The following SORCS1 variants were observed in gnomAD, a reference collection of about 807,000 sequenced individuals.
SORCS1 encodes the protein sortilin related VPS10 domain containing receptor 1.
In SORCS1, 60 loss-of-function variants were observed where a neutral mutation model predicts 146.1. That is an observed-to-expected ratio of 0.41 (90% CI 0.33 to 0.51). The LOEUF is 0.51. Ranked by LOEUF, SORCS1 falls within the 20% of genes least tolerant of loss-of-function variation. The pLI, the probability that SORCS1 is intolerant of heterozygous loss-of-function variation, is 0.21. For synonymous variants in SORCS1, 637 were observed against 584.0 expected (o/e 1.09, Z -1.31); for missense variants, 1,352 against 1,487.6 (o/e 0.91, Z 1.50).
At chr10:106,601,247 A>C (rs1476360657) in intron 23 of SORCS1, among the ~76,000 whole-genome samples, 4 of 152,222 alleles carry the variant, frequency 2.6e-5, no homozygotes, top group African/African-American at 7.2e-5. Flanking sequence ...AATTGAATTT[A>C]TTTCTTTTTC....
chr10:106,809,133 C>G (rs879569784), intron 3 of SORCS1, among the ~76,000 whole-genome samples: 9 of 151,624 alleles, frequency 5.9e-5, no homozygotes, highest in Admixed American at 5.9e-4. Context: ...TTTCGTTCTT[C>G]TTCTTTTTGT....
At chr10:106,621,556 A>G (rs1847746934) in intron 19 of SORCS1, among the ~76,000 whole-genome samples, 2 of 151,704 alleles carry the variant, frequency 1.3e-5, no homozygotes, top group African/African-American at 4.8e-5. Context: ...TATCAAATGC[A>G]TGTGAAGGGC....
intron 2 of SORCS1, among the ~76,000 whole-genome samples, chr10:106,900,463 A>G (rs1202866945): frequency 6.6e-6 from 1 of 152,202 alleles, no homozygotes; most frequent in Non-Finnish European, 1.5e-5. Context: ...CAGACAGCAC[A>G]TGCAGGTGAA....
At chr10:106,583,606 C>A (rs1235471852) in intron 24 of SORCS1, among the ~76,000 whole-genome samples, 3 of 152,076 alleles carry the variant, frequency 2.0e-5, no homozygotes, top group Non-Finnish European at 4.4e-5. Flanking sequence ...TGTGTTCAAT[C>A]AATTCTCTTG....
chr10:106,942,279 G>C (rs185867571), intron 2 of SORCS1, among the ~76,000 whole-genome samples: 1 of 152,208 alleles, frequency 6.6e-6, no homozygotes, highest in African/African-American at 2.4e-5. Flanking sequence ...CTGTTTCACT[G>C]TTTGTCCTCC....
chr10:106,719,418 C>CTTT (rs11299932), intron 6 of SORCS1, among the ~76,000 whole-genome samples: 3 of 135,972 alleles, frequency 2.2e-5, no homozygotes, highest in African/African-American at 2.9e-5. Flanking sequence ...TTCTTTCTTT[C>CTTT]TTTTTTTTTT....
At chr10:106,767,988 C>T (rs540869455) in intron 4 of SORCS1, among the ~76,000 whole-genome samples, 47 of 150,948 alleles carry the variant, frequency 3.1e-4, no homozygotes, top group African/African-American at 1.1e-3. Flanking sequence ...ATTTTTTTTT[C>T]CCGAAATCAT....
chr10:106,701,868 AGT>A (rs1209103580), intron 8 of SORCS1, among the ~76,000 whole-genome samples: 2 of 152,248 alleles, frequency 1.3e-5, no homozygotes, highest in Admixed American at 1.3e-4. Flanking sequence ...TCAGTTAATC[AGT>A]GTTAAGCACT....
intron 1 of SORCS1, among the ~76,000 whole-genome samples, chr10:107,103,916 T>C (rs2134401432): frequency 6.6e-6 from 1 of 152,272 alleles, no homozygotes; most frequent in Non-Finnish European, 1.5e-5. Flanking sequence ...AGACCATCAT[T>C]TCACTGTGAG....
At chr10:106,774,177 T>A (rs1489919733) in intron 4 of SORCS1, among the ~76,000 whole-genome samples, 1 of 152,212 alleles carries the variant, frequency 6.6e-6, no homozygotes, top group Non-Finnish European at 1.5e-5. Flanking sequence ...AAAGGGTACC[T>A]TTTGGTTCTT....
At chr10:106,984,394 AT>A (rs34494927) in intron 1 of SORCS1, among the ~76,000 whole-genome samples, 1,672 of 133,994 alleles carry the variant, frequency 0.012, 20 homozygotes, top group African/African-American at 0.036. Flanking sequence ...AGTGATTTCC[AT>A]TTTTTTTTTT....
At chr10:107,106,126 G>A (rs1965284890) in intron 1 of SORCS1, among the ~76,000 whole-genome samples, 1 of 152,194 alleles carries the variant, frequency 6.6e-6, no homozygotes. Context: ...AAGTTTGGAT[G>A]AGGATCTCCT....
intron 5 of SORCS1, among the ~76,000 whole-genome samples, chr10:106,742,315 G>A (rs192856029): frequency 5.3e-5 from 8 of 152,278 alleles, no homozygotes; most frequent in South Asian, 2.1e-4. Context: ...GGGATGGAAC[G>A]CAAGTCTAAA....
At chr10:106,758,800 C>G (rs977942511) in intron 5 of SORCS1, among the ~76,000 whole-genome samples, 1 of 152,120 alleles carries the variant, frequency 6.6e-6, no homozygotes. Context: ...GAGTTGAGAT[C>G]CTGGAGAAAG....
chr10:106,574,640 T>C lies in SORCS1; in HGVS notation c.*2780A>G, dbSNP rs1480020809. On this transcript the variant is annotated 3_prime_UTR_variant, in exon 26 of 26. Transcript: ENST00000263054. The stretch of plus-strand genomic sequence containing the variant: ...TCATCCCCTAGAGTTTCTAATTCAG[T>C]AGGTATGGGGTATGGATCCAGAATC... 1 of 152,136 alleles carries C rather than the reference T, an allele frequency of 6.6e-6. No individual in the cohort carries two copies. Among genetic ancestry groups the C allele is most frequent in the Non-Finnish European group, 1.5e-5 (1 of 68,006 alleles). The allele number at this position is 152,136 out of a possible 1,614,324, so 9.4% of individuals were successfully genotyped here. A position where few individuals can be genotyped will look rare whatever the true frequency, so the allele number is the denominator to read the frequency against.
chr10:106,613,376 G>A (rs1434974493), intron 21 of SORCS1, among the ~76,000 whole-genome samples: 3 of 152,142 alleles, frequency 2.0e-5, no homozygotes, highest in Non-Finnish European at 2.9e-5. Flanking sequence ...GAAAGAGTGG[G>A]TGACTACTCT....
chr10:107,049,872 G>A (rs1015298195), intron 1 of SORCS1, among the ~76,000 whole-genome samples: 4 of 152,096 alleles, frequency 2.6e-5, no homozygotes, highest in East Asian at 1.9e-4. Flanking sequence ...ATATATGTAC[G>A]ATGCTACCAA....
At chr10:107,140,622 T>C (rs1967731101) in intron 1 of SORCS1, among the ~76,000 whole-genome samples, 1 of 152,240 alleles carries the variant, frequency 6.6e-6, no homozygotes, top group Non-Finnish European at 1.5e-5. Context: ...CCAACCATTG[T>C]GATAAAATAG....
intron 1 of SORCS1, among the ~76,000 whole-genome samples, chr10:107,124,999 C>T (rs1266453337): frequency 1.4e-5 from 2 of 138,290 alleles, no homozygotes; most frequent in East Asian, 4.2e-4. Context: ...TGTTGCCAGG[C>T]TGGAGTGCAG....
Sources: allele counts gnomAD v4.1 joint callset (sites outside exome capture counted in the v4.1 genomes callset), GRCh38; gene constraint gnomAD v4.1.1; transcripts MANE v1.5; gene names NCBI Gene and HGNC (gene_info 2026-07-23, HGNC 2026-07-21).